KCNT2: variants seen among roughly 807,000 people sequenced by gnomAD.
The protein encoded by KCNT2 is potassium channel subfamily T member 2.
A neutral mutation model predicts 153.8 loss-of-function variants in KCNT2; 67 were observed. The ratio of observed to expected loss-of-function variants is 0.44; its 90% CI spans 0.36 to 0.53. The LOEUF (loss-of-function observed/expected upper bound fraction) is 0.53. Ranked by LOEUF, KCNT2 falls within the 20% of genes least tolerant of loss-of-function variation. The probability of loss-of-function intolerance (pLI) is 0.00; values close to 1 mark genes in which losing one functional copy is unlikely to be tolerated. For missense variants in KCNT2, 975 were observed against 1,354.8 expected (o/e 0.72, Z 4.40); for synonymous variants, 500 against 458.8 (o/e 1.09, Z -1.15).
intron 1 of KCNT2, among the ~76,000 whole-genome samples, chr1:196,499,782 T>G (rs1386917878): frequency 1.3e-5 from 2 of 152,174 alleles, no homozygotes; most frequent in African/African-American, 2.4e-5. Context: ...TAATAAATGT[T>G]TATAAAGTAT....
At chr1:196,281,113 A>T (rs1659052712) in intron 24 of KCNT2, 125 bp from the exon 25 acceptor site, 1 of 692,436 alleles carries the variant, frequency 1.4e-6, no homozygotes, top group Non-Finnish European at 2.4e-6. Flanking sequence ...CCCAGGCTAC[A>T]GTGCAACGGT....
At chr1:196,277,183 C>A (rs1195678313) in intron 25 of KCNT2, among the ~76,000 whole-genome samples, 1 of 151,994 alleles carries the variant, frequency 6.6e-6, no homozygotes, top group East Asian at 1.9e-4. Context: ...ACTTCCTGAA[C>A]TTCATATTAT....
chr1:196,363,817 C>A (rs1667821515), intron 14 of KCNT2, among the ~76,000 whole-genome samples: 1 of 152,182 alleles, frequency 6.6e-6, no homozygotes, highest in Admixed American at 6.6e-5. Context: ...TTTACTAAGA[C>A]ATGTTTGCTC....
At chr1:196,570,592 C>T (rs1019877213) in intron 1 of KCNT2, among the ~76,000 whole-genome samples, 1 of 152,024 alleles carries the variant, frequency 6.6e-6, no homozygotes, top group Non-Finnish European at 1.5e-5. Context: ...ACAAGAAATA[C>T]TTTATACATG....
At chr1:196,314,753 T>C (rs1662540352) in intron 21 of KCNT2, among the ~76,000 whole-genome samples, 1 of 151,692 alleles carries the variant, frequency 6.6e-6, no homozygotes. Context: ...AGGATATACA[T>C]TGTGCCAGAT....
chr1:196,279,273 AT>A (rs892297351), intron 25 of KCNT2, among the ~76,000 whole-genome samples: 4 of 152,056 alleles, frequency 2.6e-5, no homozygotes, highest in Admixed American at 1.3e-4. Context: ...AACATCTTAC[AT>A]ATTTAACTGT....
chr1:196,271,047 C>G (rs1276849487), intron 25 of KCNT2, among the ~76,000 whole-genome samples: 1 of 152,016 alleles, frequency 6.6e-6, no homozygotes, highest in South Asian at 2.1e-4. Flanking sequence ...CACACACACA[C>G]AAACACACAC....
intron 8 of KCNT2, among the ~76,000 whole-genome samples, chr1:196,437,918 C>T (rs1017244282): frequency 5.9e-5 from 9 of 151,406 alleles, no homozygotes; most frequent in Non-Finnish European, 1.3e-4. Flanking sequence ...AAAAGAGCCT[C>T]TAGAATCTAA....
At chr1:196,511,790 A>G (rs1460850155) in intron 1 of KCNT2, among the ~76,000 whole-genome samples, 1 of 152,178 alleles carries the variant, frequency 6.6e-6, no homozygotes, top group Non-Finnish European at 1.5e-5. Flanking sequence ...CACAAGTCAG[A>G]TTGGAATAAG....
In KCNT2 at chr1:196,236,046, G is replaced by T; in HGVS notation, c.3236C>A (p.Thr1079Asn). 1 of 1,596,250 alleles carries T rather than the reference G, an allele frequency of 6.3e-7. No individual in the cohort carries two copies. The highest frequency in any genetic ancestry group is 1.1e-5 in the South Asian group (1 of 90,648). ...GYDEMNDHQS[T>N]LSYILINPSP... Reference sequence around the variant, plus strand: ...TGGGTTAATCAGGATGTAGGAGAGGGTACTTTGATGATCATTCATTTCATC... The same window carrying T: ...TGGGTTAATCAGGATGTAGGAGAGGTTACTTTGATGATCATTCATTTCATC... The change falls in exon 27 of 28, where the codon ACC becomes AAC. Residue 1079 changes from threonine to asparagine, a missense_variant. Coordinates refer to ENST00000294725, the MANE Select transcript of KCNT2 (RefSeq NM_198503.5).
chr1:196,283,429 C>A (rs895655301), intron 23 of KCNT2, among the ~76,000 whole-genome samples: 2 of 151,800 alleles, frequency 1.3e-5, no homozygotes, highest in African/African-American at 4.8e-5. Flanking sequence ...AGCAAGACTC[C>A]ATCTCAAAAC....
rs145266206 is a variant in KCNT2 at position 196,228,812 on chromosome 1, G to A, written c.3297-477C>T. On this transcript the variant is annotated intron_variant, in intron 27 of 27. Transcript: ENST00000294725. ...TTATCACTTAAAAAATTAGGAGATT[G>A]ATGTAAGCAATTTCTATAGTCTTTT... is the stretch of plus-strand genomic sequence containing the variant. 4.2e-3 allele frequency among the ~76,000 whole-genome samples: 633 copies of A among 152,086 alleles called. 3 individuals are homozygous for A. Among genetic ancestry groups the A allele is most frequent in the African/African-American group, 0.014 (569 of 41,520 alleles).
intron 1 of KCNT2, among the ~76,000 whole-genome samples, chr1:196,545,425 C>T (rs941659759): frequency 1.3e-5 from 2 of 151,968 alleles, no homozygotes; most frequent in African/African-American, 2.4e-5. Flanking sequence ...TTAGGGGAGA[C>T]TGAGCAGAAG....
intron 16 of KCNT2, among the ~76,000 whole-genome samples, chr1:196,335,275 T>C (rs1664909591): frequency 6.6e-6 from 1 of 152,096 alleles, no homozygotes; most frequent in Non-Finnish European, 1.5e-5. Context: ...AAATCTACCA[T>C]TTGGTGATTT....
intron 19 of KCNT2, among the ~76,000 whole-genome samples, chr1:196,320,227 C>T (rs1359401803): frequency 6.6e-6 from 1 of 151,612 alleles, no homozygotes; most frequent in Admixed American, 6.6e-5. Context: ...GGAAAGCTTC[C>T]TTAGAAACTG....
intron 22 of KCNT2, among the ~76,000 whole-genome samples, chr1:196,292,088 T>C (rs141151336): frequency 3.2e-4 from 48 of 152,288 alleles, no homozygotes; most frequent in Admixed American, 1.1e-3. Context: ...TTCTAAGCAA[T>C]ACAACTAAGA....
intron 18 of KCNT2, among the ~76,000 whole-genome samples, chr1:196,327,663 C>T (rs1448249165): frequency 3.3e-5 from 4 of 119,476 alleles, no homozygotes; most frequent in African/African-American, 1.7e-4. Context: ...CTGGAATATT[C>T]TGATCTTTTT....
At position 196,608,324 on chromosome 1, in the gene KCNT2, T is replaced by G; in HGVS notation, c.-15A>C. On this transcript the variant is annotated 5_prime_UTR_variant, in exon 1 of 28. Coordinates refer to ENST00000294725, the MANE Select transcript of KCNT2 (RefSeq NM_198503.5). ...AAATCAACCATCCTTCCTCAAAGAGTGGGAAACATCAAACAACAAATGGAG... is the reference window on the plus strand; with the variant it reads ...AAATCAACCATCCTTCCTCAAAGAGGGGGAAACATCAAACAACAAATGGAG... 1 of 1,596,632 alleles carries G rather than the reference T, an allele frequency of 6.3e-7. No homozygotes were observed. The highest frequency in any genetic ancestry group is 2.2e-5 in the East Asian group (1 of 44,740).
At chr1:196,572,290 A>T (rs945810801) in intron 1 of KCNT2, among the ~76,000 whole-genome samples, 1 of 152,084 alleles carries the variant, frequency 6.6e-6, no homozygotes, top group African/African-American at 2.4e-5. Flanking sequence ...CTGGCATAAG[A>T]TCCTCCAGCT....
Sources: allele counts gnomAD v4.1 joint callset (sites outside exome capture counted in the v4.1 genomes callset), GRCh38; gene constraint gnomAD v4.1.1; transcripts MANE v1.5; gene names NCBI Gene and HGNC (gene_info 2026-07-23, HGNC 2026-07-21).